The following TTC28 variants were observed in gnomAD, a reference collection of about 807,000 sequenced individuals.
TTC28 encodes the protein tetratricopeptide repeat protein 28.
In TTC28, 61 loss-of-function variants were observed where a neutral mutation model predicts 198.0. That is an observed-to-expected ratio of 0.31 (90% confidence interval 0.25 to 0.38). The LOEUF is 0.38. Ranked by LOEUF, TTC28 falls within the 10% of genes least tolerant of loss-of-function variation. The pLI, the probability that TTC28 is intolerant of heterozygous loss-of-function variation, is 1.00. For missense variants in TTC28, 2,678 were observed against 3,164.0 expected (o/e 0.85, Z 3.69); for synonymous variants, 1,171 against 1,297.8 (o/e 0.90, Z 2.10).
rs553234354 is a variant in TTC28 at position 27,980,912 on chromosome 22, C to G, written c.*1309G>C. The G allele has an allele frequency of 6.6e-6, 1 of 152,394 alleles. No homozygotes were observed. The highest frequency in any genetic ancestry group is 6.5e-5 in the Admixed American group (1 of 15,306). The allele number at this position is 152,394 out of a possible 1,614,324, so 9.4% of individuals were successfully genotyped here. A position where few individuals can be genotyped will look rare whatever the true frequency, so the allele number is the denominator to read the frequency against. On this transcript the variant is annotated 3_prime_UTR_variant, in exon 23 of 23. Transcript: ENST00000397906. ...TCCACTTTTTAAGATACATCTCTCTCTTCCCGGTTGGCCATAATCCAGGCA... is the reference window on the plus strand; with the variant it reads ...TCCACTTTTTAAGATACATCTCTCTGTTCCCGGTTGGCCATAATCCAGGCA...
intron 2 of TTC28, among the ~76,000 whole-genome samples, chr22:28,433,488 G>T (rs2047465892): frequency 6.6e-6 from 1 of 152,004 alleles, no homozygotes; most frequent in Non-Finnish European, 1.5e-5. Context: ...GCTCCTTAAG[G>T]TTCTTTTTCT....
At chr22:28,031,950 C>T (rs1348197981) in intron 12 of TTC28, among the ~76,000 whole-genome samples, 1 of 151,690 alleles carries the variant, frequency 6.6e-6, no homozygotes, top group African/African-American at 2.4e-5. Context: ...TGCACTGTCA[C>T]CAACCTAAGG....
intron 8 of TTC28, 112 bp from the exon 9 acceptor site, chr22:28,101,392 G>T: frequency 1.1e-6 from 1 of 882,264 alleles, no homozygotes; most frequent in South Asian, 1.6e-5. Flanking sequence ...TTGAGACAGG[G>T]TCTCACTCTG....
intron 2 of TTC28, among the ~76,000 whole-genome samples, chr22:28,465,485 G>T (rs954442349): frequency 6.6e-6 from 1 of 152,014 alleles, no homozygotes; most frequent in African/African-American, 2.4e-5. Context: ...TTAGGCCGGC[G>T]TGGTGGTGTG....
At chr22:28,593,173 T>C (rs1332889390) in intron 2 of TTC28, among the ~76,000 whole-genome samples, 1 of 152,096 alleles carries the variant, frequency 6.6e-6, no homozygotes, top group African/African-American at 2.4e-5. Context: ...TTGCAGCAGT[T>C]TTCCAGTGAG....
In TTC28 at chr22:27,983,257, T is replaced by C. The variant is rs1347230179; in HGVS notation, c.6410A>G (p.Asp2137Gly). 2 of 1,551,970 alleles carry C rather than the reference T, an allele frequency of 1.3e-6. No individual in the cohort carries two copies. The highest frequency in any genetic ancestry group is 1.4e-5 in the African/African-American group (1 of 73,152). Residue 2137 changes from aspartate to glycine, a missense_variant, in exon 23 of 23, where the codon GAC (aspartate) becomes GGC (glycine). Around this residue, in one of 8 missense-constraint regions of TTC28, gnomAD observed 622 missense variants for 656.0 expected, o/e 0.95. Transcript: ENST00000397906. The part of the protein sequence containing the change: ...KLASSDTGES[D>G]QSSTETDSTV... ...ACTGTCCGTTTCTGTGCTAGACTGG[T>C]CTGATTCTCCTGTATCTGAGCTTGC... is the stretch of plus-strand genomic sequence containing the variant.
At chr22:28,084,732 G>A (rs1423458901) in intron 12 of TTC28, among the ~76,000 whole-genome samples, 2 of 151,954 alleles carry the variant, frequency 1.3e-5, no homozygotes, top group Non-Finnish European at 2.9e-5. Flanking sequence ...AAGGAAGTTC[G>A]AACCAATGGC....
chr22:28,397,567 A>T (rs1162473165), intron 2 of TTC28, among the ~76,000 whole-genome samples: 1 of 152,214 alleles, frequency 6.6e-6, no homozygotes, highest in Non-Finnish European at 1.5e-5. Context: ...CAAACCACGG[A>T]TGCTTCTGAT....
intron 2 of TTC28, among the ~76,000 whole-genome samples, chr22:28,421,523 A>G (rs2047253264): frequency 6.6e-6 from 1 of 152,184 alleles, no homozygotes; most frequent in Non-Finnish European, 1.5e-5. Context: ...CCATATATGT[A>G]TTAGTAATAA....
intron 12 of TTC28, among the ~76,000 whole-genome samples, chr22:28,082,037 G>C (rs576584252): frequency 5.3e-5 from 8 of 152,060 alleles, no homozygotes; most frequent in Non-Finnish European, 8.8e-5. Flanking sequence ...ATTGTTTTCT[G>C]AATTTCCTCT....
intron 2 of TTC28, among the ~76,000 whole-genome samples, chr22:28,433,327 C>T (rs982189835): frequency 6.6e-6 from 1 of 152,052 alleles, no homozygotes; most frequent in African/African-American, 2.4e-5. Context: ...AGATTGCAAA[C>T]TCCTAAAGAA....
chr22:28,354,777 T>C (rs1427192458), intron 2 of TTC28, among the ~76,000 whole-genome samples: 2 of 152,194 alleles, frequency 1.3e-5, no homozygotes, highest in African/African-American at 4.8e-5. Context: ...CTAATGTTAC[T>C]GATATATATA....
chr22:28,343,051 T>C (rs535979301), intron 2 of TTC28, among the ~76,000 whole-genome samples: 19 of 152,218 alleles, frequency 1.2e-4, no homozygotes, highest in African/African-American at 4.1e-4. Context: ...GAAGACAACA[T>C]ACACACATAA....
At chr22:28,387,579 T>C (rs946621514) in intron 2 of TTC28, among the ~76,000 whole-genome samples, 4 of 152,208 alleles carry the variant, frequency 2.6e-5, no homozygotes, top group African/African-American at 9.6e-5. Context: ...TTGATTTGCA[T>C]TTCTCTGATG....
At chr22:28,673,750 A>G (rs1487081055) in intron 1 of TTC28, among the ~76,000 whole-genome samples, 1 of 152,214 alleles carries the variant, frequency 6.6e-6, no homozygotes, top group Non-Finnish European at 1.5e-5. Context: ...CAGTGTGAAT[A>G]TACAAGAAAC....
intron 6 of TTC28, among the ~76,000 whole-genome samples, chr22:28,111,301 T>G (rs1235980273): frequency 6.6e-6 from 1 of 152,138 alleles, no homozygotes; most frequent in Non-Finnish European, 1.5e-5. Context: ...CCAGGATCCT[T>G]GCTGGAAGGA....
At chr22:28,476,553 T>C (rs548713775) in intron 2 of TTC28, among the ~76,000 whole-genome samples, 1 of 152,282 alleles carries the variant, frequency 6.6e-6, no homozygotes, top group South Asian at 2.1e-4. Flanking sequence ...GTTATTCCAA[T>C]GTATGTTGCC....
intron 2 of TTC28, among the ~76,000 whole-genome samples, chr22:28,547,021 C>T (rs1238299178): frequency 2.6e-5 from 4 of 152,094 alleles, no homozygotes; most frequent in Non-Finnish European, 5.9e-5. Context: ...TTTCTGGGGT[C>T]ATGGAAGTGC....
intron 2 of TTC28, among the ~76,000 whole-genome samples, chr22:28,523,384 C>T (rs2048945362): frequency 6.6e-6 from 1 of 152,080 alleles, no homozygotes; most frequent in Non-Finnish European, 1.5e-5. Context: ...TATATACATC[C>T]ATATGATAAA....
Sources: gnomAD v4.1 joint callset for allele counts (sites outside exome capture counted in the v4.1 genomes callset) on GRCh38, gnomAD v4.1.1 for gene constraint, gnomAD v4.1.1 regional missense constraint, MANE v1.5 for transcripts, NCBI Gene and HGNC (gene_info 2026-07-23, HGNC 2026-07-21) for gene names.